The following SYT1 variants were observed in gnomAD, a reference collection of about 807,000 sequenced individuals.
SYT1 encodes synaptotagmin 1, also known as synaptotagmin-1.
In SYT1, 8 loss-of-function variants were observed where a neutral mutation model predicts 44.8. That is an observed-to-expected ratio of 0.18 (90% CI 0.10 to 0.32). The LOEUF (loss-of-function observed/expected upper bound fraction) is 0.32. SYT1 is among the 10% of genes least tolerant of loss of function. The pLI is 1.00. For synonymous variants in SYT1, 154 were observed against 188.8 expected (o/e 0.82, Z 1.51); for missense variants, 286 against 509.3 (o/e 0.56, Z 4.22).
chr12:79,162,544 G>C (rs1442201214), intron 3 of SYT1, among the ~76,000 whole-genome samples: 1 of 152,042 alleles, frequency 6.6e-6, no homozygotes, highest in Non-Finnish European at 1.5e-5. Flanking sequence ...GCTTCTCTCT[G>C]GCCTTCTCAG....
intron 3 of SYT1, among the ~76,000 whole-genome samples, chr12:79,155,408 T>A (rs12303815): frequency 0.035 from 5,340 of 152,244 alleles, 214 homozygotes; most frequent in East Asian, 0.14. Context: ...AGTGTTAATA[T>A]AGAAATCCAT....
At chr12:79,274,611 T>C (rs1042828999) in intron 4 of SYT1, among the ~76,000 whole-genome samples, 1 of 152,188 alleles carries the variant, frequency 6.6e-6, no homozygotes, top group Non-Finnish European at 1.5e-5. Context: ...ACCTCCTTTA[T>C]ATGCCTTGGT....
chr12:79,338,895 A>G lies in SYT1; in HGVS notation c.811-14607A>G, dbSNP rs1202765948. Among the ~76,000 whole-genome samples, 6 of 151,282 alleles carry G rather than the reference A, an allele frequency of 4.0e-5. No homozygotes were observed. The East Asian group carries it at 9.8e-4, about 25-fold the overall frequency. ...CAAGTGTTCTCATTGTTCAATTCCC[A>G]CCTATGAGTGAGAACATGCAGTGTT... On this transcript the variant is annotated intron_variant, in intron 8 of 10. Transcript: ENST00000261205.
intron 3 of SYT1, among the ~76,000 whole-genome samples, chr12:79,177,797 G>C: frequency 1.6e-5 from 2 of 124,260 alleles, no homozygotes; most frequent in African/African-American, 6.6e-5. Flanking sequence ...CTGATGGCCA[G>C]TGATGATGAG....
intron 9 of SYT1, among the ~76,000 whole-genome samples, chr12:79,426,082 A>T (rs897134995): frequency 1.7e-4 from 23 of 139,342 alleles, no homozygotes; most frequent in East Asian, 4.1e-4. Flanking sequence ...CTGTTTGATT[A>T]AAAAAAAAAA....
At chr12:79,415,247 C>T (rs948586854) in intron 9 of SYT1, among the ~76,000 whole-genome samples, 3 of 152,088 alleles carry the variant, frequency 2.0e-5, no homozygotes, top group African/African-American at 7.2e-5. Flanking sequence ...GTTGCATGTG[C>T]ATCCTTTCAG....
At chr12:79,116,267 A>G (rs1433694444) in intron 3 of SYT1, among the ~76,000 whole-genome samples, 2 of 152,198 alleles carry the variant, frequency 1.3e-5, no homozygotes, top group African/African-American at 2.4e-5. Context: ...TACTATGTCT[A>G]TTGGGAGTGC....
rs545443727 is a variant in SYT1 at position 78,884,304 on chromosome 12, A to T, written c.-217+19195A>T. Reference sequence around the variant, plus strand: ...AAATGTATAGTTATATATTTTATATATTAGGAATAGCTATATCTACTGCTT... The same window carrying T: ...AAATGTATAGTTATATATTTTATATTTTAGGAATAGCTATATCTACTGCTT... On this transcript the variant is annotated intron_variant, in intron 1 of 10. Transcript: ENST00000261205. Among the ~76,000 whole-genome samples, 6 of 151,724 alleles carry T rather than the reference A, an allele frequency of 4.0e-5. No individual in the cohort carries two copies. The South Asian group carries it at 1.2e-3, about 31-fold the overall frequency.
intron 3 of SYT1, among the ~76,000 whole-genome samples, chr12:79,048,958 T>C (rs1247182428): frequency 1.3e-5 from 2 of 152,056 alleles, no homozygotes; most frequent in Non-Finnish European, 2.9e-5. Flanking sequence ...TGTTTTTATA[T>C]ATATAATTCT....
intron 9 of SYT1, among the ~76,000 whole-genome samples, chr12:79,373,309 T>G (rs1883866650): frequency 6.6e-6 from 1 of 152,190 alleles, no homozygotes; most frequent in South Asian, 2.1e-4. Context: ...TTCCTCTTTA[T>G]ACATTTACTT....
chr12:78,876,541 A>G (rs1280418535), intron 1 of SYT1, among the ~76,000 whole-genome samples: 2 of 131,162 alleles, frequency 1.5e-5, no homozygotes, highest in Admixed American at 1.7e-4. Flanking sequence ...ATGTTATACT[A>G]TATATATGAG....
chr12:78,973,375 T>G (rs1868512588), intron 1 of SYT1, among the ~76,000 whole-genome samples: 3 of 152,120 alleles, frequency 2.0e-5, no homozygotes, highest in African/African-American at 7.2e-5. Flanking sequence ...AAATTTTGTT[T>G]CTTTTGGTCA....
At chr12:78,875,831 T>G (rs1459139066) in intron 1 of SYT1, among the ~76,000 whole-genome samples, 3 of 151,692 alleles carry the variant, frequency 2.0e-5, no homozygotes, top group Non-Finnish European at 4.4e-5. Context: ...ACATGTATTT[T>G]TATACTCCAG....
At chr12:79,114,076 C>T (rs868809312) in intron 3 of SYT1, among the ~76,000 whole-genome samples, 64 of 152,160 alleles carry the variant, frequency 4.2e-4, no homozygotes, top group African/African-American at 5.5e-4. Context: ...AAGAAAAAGA[C>T]AAGGAAAGAG....
chr12:78,889,629 C>T (rs187710449), intron 1 of SYT1, among the ~76,000 whole-genome samples: 5 of 150,622 alleles, frequency 3.3e-5, no homozygotes, highest in Admixed American at 3.3e-4. Flanking sequence ...TGCATGGGAA[C>T]ATAACGAAGA....
rs193259930 is a variant in SYT1 at position 79,077,998 on chromosome 12, A to G, written c.-18+30636A>G. On this transcript the variant is annotated intron_variant, in intron 3 of 10. Coordinates refer to ENST00000261205, the MANE Select transcript of SYT1 (RefSeq NM_005639.3). ...CATTAGTTTTTATGTTAGTAGGTAC[A>G]GAGGCAATTTTGTAAAACTACATTT... is the stretch of plus-strand genomic sequence containing the variant. 5.9e-5 allele frequency among the ~76,000 whole-genome samples: 9 copies of G among 152,298 alleles called. No homozygotes were observed. In the East Asian group the frequency reaches 1.5e-3, roughly 26 times the overall value.
At chr12:78,968,115 A>C (rs1868291367) in intron 1 of SYT1, among the ~76,000 whole-genome samples, 1 of 152,186 alleles carries the variant, frequency 6.6e-6, no homozygotes, top group African/African-American at 2.4e-5. Context: ...AATTGTAAAT[A>C]GGAGAAAGAG....
At chr12:79,002,441 T>G (rs951803845) in intron 2 of SYT1, among the ~76,000 whole-genome samples, 8 of 152,170 alleles carry the variant, frequency 5.3e-5, no homozygotes, top group Admixed American at 5.2e-4. Flanking sequence ...GTTTGGCTTT[T>G]TGCTCATTGC....
chr12:79,337,898 A>T (rs1882163166), intron 8 of SYT1, among the ~76,000 whole-genome samples: 1 of 152,208 alleles, frequency 6.6e-6, no homozygotes, highest in South Asian at 2.1e-4. Context: ...AATCCAAATC[A>T]CTATGAGGCA....
Sources: gnomAD v4.1 joint callset for allele counts (sites outside exome capture counted in the v4.1 genomes callset) on GRCh38, gnomAD v4.1.1 for gene constraint, MANE v1.5 for transcripts, NCBI Gene and HGNC (gene_info 2026-07-23, HGNC 2026-07-21) for gene names.